Variants in RALGPS1 observed in about 807,000 individuals in gnomAD.
RALGPS1 encodes the protein Ral GEF with PH domain and SH3 binding motif 1, also known as ras-specific guanine nucleotide-releasing factor RalGPS1.
In RALGPS1, 19 loss-of-function variants were observed where a neutral mutation model predicts 78.8. The observed-to-expected ratio is 0.24, with a 90% confidence interval of 0.17 to 0.35. The LOEUF is 0.35. Ranked by LOEUF, RALGPS1 falls within the 10% of genes least tolerant of loss-of-function variation. The pLI is 1.00. For synonymous variants in RALGPS1, 228 were observed against 256.3 expected (o/e 0.89, Z 1.06); for missense variants, 454 against 688.3 (o/e 0.66, Z 3.81).
chr9:127,216,802 C>A, intron 18 of RALGPS1: 1 of 1,052,434 alleles, frequency 9.5e-7, no homozygotes, highest in Non-Finnish European at 1.3e-6. Flanking sequence ...AGCATCCTGG[C>A]CTCCTCCATA....
At chr9:127,087,058 G>C (rs140260477) in intron 8 of RALGPS1, among the ~76,000 whole-genome samples, 407 of 152,338 alleles carry the variant, frequency 2.7e-3, no homozygotes, top group African/African-American at 9.2e-3. Context: ...AGGTACGTCA[G>C]GTGTTAAGTG....
intron 3 of RALGPS1, among the ~76,000 whole-genome samples, chr9:126,969,080 A>G (rs910756122): frequency 1.3e-5 from 2 of 152,210 alleles, no homozygotes; most frequent in Non-Finnish European, 2.9e-5. Flanking sequence ...TAGTAACTAC[A>G]TTAAAAAATG....
chr9:127,013,165 G>C (rs1371478712), intron 4 of RALGPS1, among the ~76,000 whole-genome samples: 1 of 152,168 alleles, frequency 6.6e-6, no homozygotes, highest in African/African-American at 2.4e-5. Flanking sequence ...GAAGAAAGTG[G>C]CCATGTACAG....
rs115558692 is a variant in RALGPS1, at chr9:126,964,849, T to G, written c.58-995T>G. Among the ~76,000 whole-genome samples, 1,231 of 152,326 alleles carry G rather than the reference T, an allele frequency of 8.1e-3. 24 individuals are homozygous for G. Among genetic ancestry groups the G allele is most frequent in the African/African-American group, 0.028 (1,164 of 41,572 alleles). ...GAAGATTACAAAGTTTTTCCAGATA[T>G]AGCCATTTTGGAAAGAGTGAAATAA... is the stretch of plus-strand genomic sequence containing the variant. On this transcript the variant is annotated intron_variant, in intron 2 of 18. Coordinates refer to ENST00000259351, the MANE Select transcript of RALGPS1 (RefSeq NM_014636.3).
chr9:127,030,109 G>A (rs1287234599), intron 4 of RALGPS1, among the ~76,000 whole-genome samples: 1 of 152,108 alleles, frequency 6.6e-6, no homozygotes, highest in Admixed American at 6.6e-5. Context: ...AAGGCAGCTG[G>A]TCAGATACCC....
chr9:127,179,792 TTCTAGGCAGCGCCCACGCC>T (rs1308648087), intron 11 of RALGPS1, among the ~76,000 whole-genome samples: 2 of 152,202 alleles, frequency 1.3e-5, no homozygotes, highest in African/African-American at 4.8e-5. Context: ...TCTGGCCCTC[TTCTAGGCAGCGCCCACGCC>T]TCTACCCCTC....
intron 11 of RALGPS1, among the ~76,000 whole-genome samples, chr9:127,191,006 T>G (rs971408573): frequency 1.3e-5 from 2 of 152,236 alleles, no homozygotes; most frequent in African/African-American, 4.8e-5. Flanking sequence ...GCGTCTTTCC[T>G]TATTGTTACT....
In RALGPS1 at chr9:127,035,576, G is replaced by A. The variant is rs902417354; in HGVS notation, c.300+1062G>A. Among the ~76,000 whole-genome samples, 14 of 152,180 alleles carry A rather than the reference G, an allele frequency of 9.2e-5. No homozygotes were observed. The East Asian group carries it at 2.7e-3, about 29-fold the overall frequency. ...GTGATGGGGCCTGGATTCCCTTTGG[G>A]CCCTCTCTCCAGCTGGGCCTTCTCT... On this transcript the variant is annotated intron_variant, in intron 5 of 18. Transcript: ENST00000259351.
chr9:127,108,531 A>G, intron 8 of RALGPS1: 2 of 1,612,628 alleles, frequency 1.2e-6, no homozygotes, highest in Non-Finnish European at 1.7e-6. Flanking sequence ...CGCAGATGGC[A>G]CCCGTGACCC....
chr9:127,199,026 A>C lies in RALGPS1; in HGVS notation c.1207A>C (p.Ser403Arg). 1 of 1,614,000 alleles carries C rather than the reference A, an allele frequency of 6.2e-7. No individual in the cohort carries two copies. Among genetic ancestry groups the C allele is most frequent in the South Asian group, 1.1e-5 (1 of 91,078 alleles). ...TGTTCCTTTTCCAGGCAGTAGTGAG[A>C]GCTCAGAGTTTAGTGAAGAGATGTC... ...TNGLSLGSSE[S>R]SEFSEEMSSG... Residue 403 changes from serine to arginine, a missense_variant, in exon 14 of 19, where the codon AGC (serine) becomes CGC (arginine). Transcript: ENST00000259351.
intron 11 of RALGPS1, chr9:127,178,094 T>G: frequency 1.6e-6 from 2 of 1,232,414 alleles, no homozygotes; most frequent in Non-Finnish European, 1.1e-6. Flanking sequence ...GAAGAAGTGT[T>G]ACCAATCCCA....
intron 9 of RALGPS1, 115 bp downstream of exon 9, chr9:127,166,321 A>C (rs946430): frequency 0.97 from 1,208,492 of 1,244,140 alleles, 587,072 homozygotes; most frequent in East Asian, 1. Flanking sequence ...ATTTTAATAT[A>C]TCGAGCATCA....
At chr9:127,065,408 G>A (rs2049601142) in intron 7 of RALGPS1, among the ~76,000 whole-genome samples, 2 of 152,134 alleles carry the variant, frequency 1.3e-5, no homozygotes, top group South Asian at 4.2e-4. Context: ...CACTGTGCCC[G>A]GCCTTAAAAT....
chr9:127,158,561 A>G (rs2058831556), intron 8 of RALGPS1, among the ~76,000 whole-genome samples: 1 of 152,120 alleles, frequency 6.6e-6, no homozygotes, highest in Non-Finnish European at 1.5e-5. Flanking sequence ...AGGATTGTCC[A>G]TTTCATTGAT....
At chr9:127,158,694 A>G (rs535275208) in intron 8 of RALGPS1, among the ~76,000 whole-genome samples, 71 of 149,634 alleles carry the variant, frequency 4.7e-4, no homozygotes, top group African/African-American at 1.7e-3. Flanking sequence ...TTCTAGTTCT[A>G]TATAATGAAT....
chr9:127,000,033 C>G (rs1219855569), intron 4 of RALGPS1, among the ~76,000 whole-genome samples: 1 of 152,118 alleles, frequency 6.6e-6, no homozygotes. Flanking sequence ...CTTTTAATAT[C>G]TATAGGATCT....
At chr9:126,933,678 C>T (rs1461361231) in intron 1 of RALGPS1, among the ~76,000 whole-genome samples, 1 of 152,096 alleles carries the variant, frequency 6.6e-6, no homozygotes, top group African/African-American at 2.4e-5. Flanking sequence ...AGGCTGCCCC[C>T]TTGTAACCTG....
intron 8 of RALGPS1, among the ~76,000 whole-genome samples, chr9:127,096,521 T>C (rs1436787190): frequency 6.6e-6 from 1 of 152,194 alleles, no homozygotes; most frequent in Non-Finnish European, 1.5e-5. Context: ...AGGGAGAGGC[T>C]GTGGAGGCTG....
chr9:127,026,649 T>C (rs1270388352), intron 4 of RALGPS1, among the ~76,000 whole-genome samples: 1 of 152,250 alleles, frequency 6.6e-6, no homozygotes, highest in Admixed American at 6.5e-5. Flanking sequence ...AAAGTCATTG[T>C]CATTTATTAC....
Sources: gnomAD v4.1 joint callset for allele counts (sites outside exome capture counted in the v4.1 genomes callset) on GRCh38, gnomAD v4.1.1 for gene constraint, MANE v1.5 for transcripts, NCBI Gene and HGNC (gene_info 2026-07-23, HGNC 2026-07-21) for gene names.